The following RFTN2 variants were observed in gnomAD, a reference collection of about 807,000 sequenced individuals.
The protein encoded by RFTN2 is raftlin family member 2, also known as raftlin-2.
In RFTN2, 34 loss-of-function variants were observed where a neutral mutation model predicts 52.7. The ratio of observed to expected loss-of-function variants is 0.64; its 90% confidence interval spans 0.49 to 0.86. The LOEUF (loss-of-function observed/expected upper bound fraction) is 0.86, where lower values mean the gene tolerates loss of function less well. Among genes scored for constraint, RFTN2 ranks in the 40% least tolerant of loss-of-function variants. The probability of loss-of-function intolerance (pLI) is 0.00; values close to 1 mark genes in which losing one functional copy is unlikely to be tolerated. For synonymous variants in RFTN2, 203 were observed against 217.7 expected (o/e 0.93, Z 0.59); for missense variants, 536 against 600.1 (o/e 0.89, Z 1.12).
intron 3 of RFTN2, among the ~76,000 whole-genome samples, chr2:197,643,479 T>C (rs2088703069): frequency 6.6e-6 from 1 of 152,220 alleles, no homozygotes; most frequent in South Asian, 2.1e-4. Flanking sequence ...TCAGTTTTTA[T>C]TTACATTAAA....
intron 3 of RFTN2, among the ~76,000 whole-genome samples, chr2:197,642,038 G>GA (rs1240662153): frequency 6.6e-6 from 1 of 151,890 alleles, no homozygotes; most frequent in Admixed American, 6.6e-5. Context: ...TTTATTACCA[G>GA]AAAAAAAATT....
chr2:197,668,238 C>G (rs999950118), intron 1 of RFTN2, among the ~76,000 whole-genome samples: 1 of 152,106 alleles, frequency 6.6e-6, no homozygotes, highest in South Asian at 2.1e-4. Context: ...GCTGTGTGCT[C>G]TGGCATGTTG....
intron 4 of RFTN2, among the ~76,000 whole-genome samples, chr2:197,633,026 C>T (rs529217659): frequency 6.6e-6 from 1 of 152,176 alleles, no homozygotes; most frequent in Non-Finnish European, 1.5e-5. Context: ...TTCCAGAGCC[C>T]ATGTTGTTAA....
In RFTN2 at chr2:197,588,885, C is replaced by T. The variant is rs79764231; in HGVS notation, c.1233+7106G>A. Among the ~76,000 whole-genome samples, 654 of 152,190 alleles carry T rather than the reference C, an allele frequency of 4.3e-3. 3 individuals carry two copies. Among genetic ancestry groups the T allele is most frequent in the African/African-American group, 0.015 (627 of 41,520 alleles). On this transcript the variant is annotated intron_variant, in intron 8 of 8. Transcript: ENST00000295049. ...TTGAATCACAGAGATGGGTCTCTTC[C>T]GTGCTGCTCTCATCATAGTGAATAA...
In RFTN2 at chr2:197,569,035, T is replaced by C. The variant is rs967706534; in HGVS notation, c.*2973A>G. The C allele has an allele frequency of 1.3e-5, 2 of 152,250 alleles. No homozygotes were observed. The highest frequency in any genetic ancestry group is 2.4e-5 in the African/African-American group (1 of 41,452). 9.4% of individuals were successfully genotyped at this position (152,250 alleles called of 1,614,324 possible). A position where few individuals can be genotyped will look rare whatever the true frequency, so the allele number is the denominator to read the frequency against. ...TTTTCTCTTTTACTGAAATGAATTG[T>C]AATGACACTGATAGAGCTGATTTCC... On this transcript the variant is annotated 3_prime_UTR_variant, in exon 9 of 9. Coordinates refer to ENST00000295049, the MANE Select transcript of RFTN2 (RefSeq NM_144629.3).
At chr2:197,646,263 A>G (rs1260837247) in intron 2 of RFTN2, among the ~76,000 whole-genome samples, 3 of 152,182 alleles carry the variant, frequency 2.0e-5, no homozygotes, top group African/African-American at 7.2e-5. Flanking sequence ...ATCCTCACTT[A>G]GGACACATTT....
chr2:197,584,332 G>C (rs1332390218), intron 8 of RFTN2, among the ~76,000 whole-genome samples: 3 of 152,188 alleles, frequency 2.0e-5, no homozygotes, highest in African/African-American at 4.8e-5. Context: ...ACTGGTGTGA[G>C]ATGGTATCTC....
At chr2:197,660,445 G>A (rs2106266185) in intron 1 of RFTN2, among the ~76,000 whole-genome samples, 1 of 152,134 alleles carries the variant, frequency 6.6e-6, no homozygotes, top group Admixed American at 6.6e-5. Flanking sequence ...TATAACTGCA[G>A]TTTTAAAAAT....
chr2:197,630,872 G>C (rs1574723744), intron 5 of RFTN2, 139 bp downstream of exon 5: 1 of 661,402 alleles, frequency 1.5e-6, no homozygotes, highest in Non-Finnish European at 2.7e-6. Flanking sequence ...CTACATATCT[G>C]TGTAACAGCT....
intron 7 of RFTN2, among the ~76,000 whole-genome samples, chr2:197,598,428 G>T (rs2087825383): frequency 6.6e-6 from 1 of 152,202 alleles, no homozygotes; most frequent in East Asian, 1.9e-4. Flanking sequence ...TCCAGGTGGA[G>T]AATTACATGA....
intron 1 of RFTN2, among the ~76,000 whole-genome samples, chr2:197,666,586 A>G (rs984488993): frequency 7.9e-5 from 12 of 152,224 alleles, no homozygotes; most frequent in Admixed American, 5.9e-4. Context: ...TGTATTTAAC[A>G]TTAGACAGTT....
intron 8 of RFTN2, among the ~76,000 whole-genome samples, chr2:197,579,463 C>T (rs1420073934): frequency 6.6e-6 from 1 of 152,196 alleles, no homozygotes; most frequent in Non-Finnish European, 1.5e-5. Context: ...TTCTCCAATG[C>T]CACTTGACTT....
chr2:197,574,479 C>T (rs977355372), intron 8 of RFTN2, among the ~76,000 whole-genome samples: 2 of 152,282 alleles, frequency 1.3e-5, no homozygotes, highest in Middle Eastern at 3.4e-3. Context: ...AAGTAACTAA[C>T]CTGCTTTTGA....
At chr2:197,588,507 T>C (rs915215934) in intron 8 of RFTN2, among the ~76,000 whole-genome samples, 9 of 152,246 alleles carry the variant, frequency 5.9e-5, no homozygotes, top group African/African-American at 1.4e-4. Flanking sequence ...TGAGACACCA[T>C]GCCCAGTCCT....
chr2:197,587,558 TTGAC>T (rs1386855984), intron 8 of RFTN2, among the ~76,000 whole-genome samples: 3 of 150,938 alleles, frequency 2.0e-5, no homozygotes, highest in African/African-American at 7.3e-5. Context: ...ACAACCCCCT[TTGAC>T]TGTAATTTTC....
At chr2:197,628,690 A>T (rs2088410813) in intron 5 of RFTN2, among the ~76,000 whole-genome samples, 1 of 152,230 alleles carries the variant, frequency 6.6e-6, no homozygotes, top group South Asian at 2.1e-4. Flanking sequence ...CCACACTAAA[A>T]GTACTGTAAT....
chr2:197,568,895 C>G lies in RFTN2; in HGVS notation c.*3113G>C, dbSNP rs1421381122. The G allele has an allele frequency of 6.6e-6, 1 of 152,182 alleles. No individual in the cohort carries two copies. The highest frequency in any genetic ancestry group is 2.4e-5 in the African/African-American group (1 of 41,434). 9.4% of individuals were successfully genotyped at this position (152,182 alleles called of 1,614,324 possible). On this transcript the variant is annotated 3_prime_UTR_variant, in exon 9 of 9. Coordinates refer to ENST00000295049, the MANE Select transcript of RFTN2 (RefSeq NM_144629.3). ...TTATATTCAAATATATAAACACCTG[C>G]TCCTGATAACACAAATGATTTGGAG...
intron 5 of RFTN2, among the ~76,000 whole-genome samples, chr2:197,626,545 C>T: frequency 7.1e-6 from 1 of 140,220 alleles, no homozygotes; most frequent in East Asian, 2.0e-4. Context: ...GCCTGGGTGA[C>T]AGTGAGACCC....
intron 1 of RFTN2, among the ~76,000 whole-genome samples, chr2:197,648,999 C>T (rs2088790190): frequency 6.6e-6 from 1 of 152,218 alleles, no homozygotes; most frequent in Admixed American, 6.5e-5. Flanking sequence ...CTTTCTATGT[C>T]TAGCATGTTC....
Sources: allele counts gnomAD v4.1 joint callset (sites outside exome capture counted in the v4.1 genomes callset), GRCh38; gene constraint gnomAD v4.1.1; transcripts MANE v1.5; gene names NCBI Gene and HGNC (gene_info 2026-07-23, HGNC 2026-07-21).